ERI1: variants seen among roughly 807,000 people sequenced by gnomAD.
ERI1 encodes the protein exoribonuclease 1.
Under a neutral mutation model 39.7 loss-of-function variants are expected in ERI1, and 39 were observed. The ratio of observed to expected loss-of-function variants is 0.98; its 90% CI spans 0.76 to 1.28. The LOEUF (loss-of-function observed/expected upper bound fraction) is 1.28. Ranked by LOEUF, ERI1 falls within the 50% of genes most tolerant of loss-of-function variation. The pLI, the probability that ERI1 is intolerant of heterozygous loss-of-function variation, is 0.00. For synonymous variants in ERI1, 204 were observed against 149.6 expected (o/e 1.36, Z -2.65); for missense variants, 581 against 416.9 (o/e 1.39, Z -3.43).
At chr8:9,057,080 G>A (rs1298810408) in intron 3 of ERI1, among the ~76,000 whole-genome samples, 1 of 152,114 alleles carries the variant, frequency 6.6e-6, no homozygotes, top group Admixed American at 6.6e-5. Flanking sequence ...TGATCTGCCT[G>A]CCTCGGCCTC....
intron 3 of ERI1, among the ~76,000 whole-genome samples, chr8:9,071,835 G>A (rs997391574): frequency 1.3e-5 from 2 of 152,238 alleles, no homozygotes; most frequent in Non-Finnish European, 2.9e-5. Context: ...GGAGACCAAG[G>A]TGGGAGGACT....
At chr8:9,071,881 C>G (rs1379242533) in intron 3 of ERI1, among the ~76,000 whole-genome samples, 1 of 152,202 alleles carries the variant, frequency 6.6e-6, no homozygotes. Flanking sequence ...GCTTGAGCAA[C>G]ATAGTGAGAC....
intron 3 of ERI1, among the ~76,000 whole-genome samples, chr8:9,014,536 TA>T (rs1247586060): frequency 6.6e-6 from 1 of 152,218 alleles, no homozygotes. Context: ...TTAACTTACC[TA>T]ATTTATTTAA....
In ERI1 at chr8:9,097,474, G is replaced by A. The variant is rs143258171; in HGVS notation, n.300-18874G>A. Among the ~76,000 whole-genome samples, 21 of 152,226 alleles carry A rather than the reference G, an allele frequency of 1.4e-4. 1 individual carries two copies. In the East Asian group the frequency reaches 3.9e-3, roughly 28 times the overall value. On this transcript the variant is annotated intron_variant and non_coding_transcript_variant, in intron 3 of 3. Coordinates refer to the ERI1 transcript ENST00000518663. ...GTATCACAGGCTGAGTTCGAGACCA[G>A]CCTGGCCAACATGGTAAAAACCGGT...
intron 3 of ERI1, among the ~76,000 whole-genome samples, chr8:9,015,683 G>T (rs578113304): frequency 1.2e-3 from 151 of 129,652 alleles, no homozygotes; most frequent in South Asian, 1.9e-3. Flanking sequence ...GATTGTGGCA[G>T]TGCACTCCAG....
chr8:9,066,010 G>A (rs1354967929), intron 3 of ERI1, among the ~76,000 whole-genome samples: 1 of 151,782 alleles, frequency 6.6e-6, no homozygotes, highest in East Asian at 1.9e-4. Flanking sequence ...TTTTTTCTTT[G>A]ACTTTTCTGC....
In ERI1 at chr8:9,030,072, C is replaced by A; in HGVS notation, c.*38C>A. On this transcript the variant is annotated 3_prime_UTR_variant, in exon 7 of 7. Coordinates refer to ENST00000250263, the MANE Select transcript of ERI1 (RefSeq NM_153332.4). The stretch of plus-strand genomic sequence containing the variant: ...GTGTGGATCATTCCAATTGAAGTTG[C>A]TATGAAGAGGTAGCAGATGAATCTC... 1 of 1,605,246 alleles carries A rather than the reference C, an allele frequency of 6.2e-7. No individual in the cohort carries two copies.
At chr8:9,060,406 G>A (rs1798653079) in intron 3 of ERI1, among the ~76,000 whole-genome samples, 1 of 152,088 alleles carries the variant, frequency 6.6e-6, no homozygotes, top group East Asian at 1.9e-4. Flanking sequence ...TCCTGGTGGG[G>A]GGCGGGGGCA....
chr8:9,035,795 G>A (rs185077217), downstream of ERI1, among the ~76,000 whole-genome samples: 1 of 152,192 alleles, frequency 6.6e-6, no homozygotes, highest in Non-Finnish European at 1.5e-5. Context: ...ATGGATCTAG[G>A]CAAAGTCAGT....
intron 4 of ERI1, among the ~76,000 whole-genome samples, chr8:9,017,800 C>G (rs1342777286): frequency 6.6e-6 from 1 of 152,180 alleles, no homozygotes; most frequent in Non-Finnish European, 1.5e-5. Flanking sequence ...TCTTGTGCAT[C>G]TATTTGTCCT....
rs367694054 is a variant in ERI1 at position 9,016,548 on chromosome 8, T to TAA, written c.582+155_582+156dup. 3.9e-3 allele frequency: 1,317 copies of TAA among 337,804 alleles called. 4 individuals carry two copies. The highest frequency in any genetic ancestry group is 0.018 in the African/African-American group (784 of 44,716). The allele number at this position is 337,804 out of a possible 1,614,324, so 20.9% of individuals were successfully genotyped here. On this transcript the variant is annotated intron_variant, in intron 4 of 6. Transcript: ENST00000250263. ...TAAAGATCTTTCATGTTGTAATAATTAAAAAAAAAAAAACAGCAAATTTTA... is the reference window on the plus strand; with the variant it reads ...TAAAGATCTTTCATGTTGTAATAATTAAAAAAAAAAAAAAACAGCAAATTTTA...
intron 3 of ERI1, among the ~76,000 whole-genome samples, chr8:9,077,208 C>T (rs1799236521): frequency 6.6e-6 from 1 of 152,146 alleles, no homozygotes. Context: ...TCATGTTCTC[C>T]AGTTCTTAAA....
chr8:9,055,635 G>A (rs771620385), intron 3 of ERI1, among the ~76,000 whole-genome samples: 2 of 152,162 alleles, frequency 1.3e-5, no homozygotes, highest in Non-Finnish European at 2.9e-5. Context: ...TGCCTCCCTG[G>A]TTCAAGCCAT....
At chr8:9,042,220 G>C (rs1469130349) in intron 3 of ERI1, among the ~76,000 whole-genome samples, 1 of 152,162 alleles carries the variant, frequency 6.6e-6, no homozygotes, top group Non-Finnish European at 1.5e-5. Flanking sequence ...TTGCCAGAAT[G>C]CCTCACCCAG....
At chr8:9,057,288 A>G (rs577867751) in intron 3 of ERI1, among the ~76,000 whole-genome samples, 1 of 152,192 alleles carries the variant, frequency 6.6e-6, no homozygotes, top group South Asian at 2.1e-4. Flanking sequence ...GGGATGACTG[A>G]CGTGAGCCAC....
chr8:9,098,860 G>A (rs1799961661), intron 3 of ERI1, among the ~76,000 whole-genome samples: 2 of 152,016 alleles, frequency 1.3e-5, no homozygotes, highest in Non-Finnish European at 2.9e-5. Flanking sequence ...GTTTCAGACA[G>A]GCTCTCACTG....
At chr8:9,098,312 G>A (rs949416512) in intron 3 of ERI1, among the ~76,000 whole-genome samples, 2 of 152,224 alleles carry the variant, frequency 1.3e-5, no homozygotes, top group Non-Finnish European at 2.9e-5. Flanking sequence ...CTGAGGTCAG[G>A]AGTTTGAGAC....
At chr8:9,018,445 T>C (rs761985386) in intron 5 of ERI1, 39 bp downstream of exon 5, 1 of 1,080,136 alleles carries the variant, frequency 9.3e-7, no homozygotes, top group Non-Finnish European at 1.4e-6. Flanking sequence ...TATCTACTTT[T>C]TAAAGATTAA....
At chr8:9,016,917 C>G (rs551143629) in intron 4 of ERI1, among the ~76,000 whole-genome samples, 1 of 152,204 alleles carries the variant, frequency 6.6e-6, no homozygotes, top group Non-Finnish European at 1.5e-5. Context: ...GAACACCTAA[C>G]CTCAAGTGTC....
Sources: allele counts gnomAD v4.1 joint callset (sites outside exome capture counted in the v4.1 genomes callset), GRCh38; gene constraint gnomAD v4.1.1; transcripts MANE v1.5; gene names NCBI Gene and HGNC (gene_info 2026-07-23, HGNC 2026-07-21).